Variants in TRPC4 observed in about 807,000 individuals in gnomAD.
TRPC4 encodes short transient receptor potential channel 4.
A neutral mutation model predicts 99.4 loss-of-function variants in TRPC4; 49 were observed. The observed-to-expected ratio is 0.49, with a 90% CI of 0.39 to 0.63. The LOEUF is 0.63. Ranked by LOEUF, TRPC4 falls within the 20% of genes least tolerant of loss-of-function variation. TRPC4 has a pLI of 0.00. For missense variants in TRPC4, 898 were observed against 1,152.9 expected (o/e 0.78, Z 3.20); for synonymous variants, 454 against 425.9 (o/e 1.07, Z -0.81).
At chr13:37,744,289 A>G (rs1001858026) in intron 3 of TRPC4, among the ~76,000 whole-genome samples, 1 of 152,180 alleles carries the variant, frequency 6.6e-6, no homozygotes, top group East Asian at 1.9e-4. Context: ...TTATCTTCCC[A>G]TTTACCACTT....
rs143246058 is a variant in TRPC4, at chr13:37,760,611, T to C, written c.379-14156A>G. 1.0e-3 allele frequency among the ~76,000 whole-genome samples: 159 copies of C among 152,088 alleles called. 1 individual carries two copies. In the East Asian group the frequency reaches 0.028, roughly 27 times the overall value. Reference sequence around the variant, plus strand: ...GATACATCTAACTTTACCCAAGCTTTAGTACAAGTCCATGGCCCACAGGCT... The same window carrying C: ...GATACATCTAACTTTACCCAAGCTTCAGTACAAGTCCATGGCCCACAGGCT... On this transcript the variant is annotated intron_variant, in intron 2 of 10. Transcript: ENST00000379705.
chr13:37,757,319 A>G (rs1956122367), intron 2 of TRPC4, among the ~76,000 whole-genome samples: 1 of 152,056 alleles, frequency 6.6e-6, no homozygotes, highest in South Asian at 2.1e-4. Context: ...TACATATTCC[A>G]TTTAGAAGTC....
intron 8 of TRPC4, among the ~76,000 whole-genome samples, chr13:37,639,744 C>CATATATATATATATATATATATATAT (rs59528300): frequency 3.3e-4 from 49 of 146,808 alleles, no homozygotes; most frequent in African/African-American, 1.2e-3. Context: ...ACTCTCCAAT[C>CATATATATATATATATATATATATAT]ATATATATAT....
chr13:37,653,768 T>C (rs1261136126), intron 7 of TRPC4, among the ~76,000 whole-genome samples: 2 of 152,182 alleles, frequency 1.3e-5, no homozygotes, highest in African/African-American at 2.4e-5. Context: ...GGACATTTAA[T>C]GTTTTAAAAG....
intron 1 of TRPC4, among the ~76,000 whole-genome samples, chr13:37,795,576 C>T (rs963106247): frequency 2.0e-5 from 3 of 152,136 alleles, no homozygotes; most frequent in Admixed American, 6.6e-5. Flanking sequence ...GATATTTTCC[C>T]AATGACTATA....
At chr13:37,709,607 T>G (rs1189058340) in intron 3 of TRPC4, among the ~76,000 whole-genome samples, 1 of 151,968 alleles carries the variant, frequency 6.6e-6, no homozygotes, top group Non-Finnish European at 1.5e-5. Flanking sequence ...ATTTAACCAG[T>G]CCAATCACCA....
At chr13:37,742,232 A>C (rs565540970) in intron 3 of TRPC4, among the ~76,000 whole-genome samples, 2 of 152,306 alleles carry the variant, frequency 1.3e-5, no homozygotes, top group Non-Finnish European at 2.9e-5. Flanking sequence ...GGATGAGATT[A>C]GAGAAGTACC....
chr13:37,803,388 C>G (rs1204424267), intron 1 of TRPC4, among the ~76,000 whole-genome samples: 1 of 152,062 alleles, frequency 6.6e-6, no homozygotes, highest in East Asian at 1.9e-4. Flanking sequence ...TACATGTAAA[C>G]TCACCCACAT....
intron 3 of TRPC4, among the ~76,000 whole-genome samples, chr13:37,722,188 C>T (rs958992993): frequency 6.6e-6 from 1 of 151,924 alleles, no homozygotes; most frequent in Admixed American, 6.6e-5. Context: ...TGATTTAGAC[C>T]CAGGTGAGTT....
chr13:37,799,706 G>A (rs1174211739), intron 1 of TRPC4, among the ~76,000 whole-genome samples: 1 of 152,116 alleles, frequency 6.6e-6, no homozygotes, highest in African/African-American at 2.4e-5. Context: ...AATTTTGGAA[G>A]TTCAGGGGTT....
In TRPC4 at chr13:37,799,083, C is replaced by T. The variant is rs538784043; in HGVS notation, c.-27-15723G>A. ...AGTAGCTGGGACTAAAGGTGCCCAC[C>T]GCCTTGCCCAGCTAATTTTTTTTTG... is the stretch of plus-strand genomic sequence containing the variant. On this transcript the variant is annotated intron_variant, in intron 1 of 10. Transcript: ENST00000379705. 3.9e-4 allele frequency among the ~76,000 whole-genome samples: 60 copies of T among 152,090 alleles called. 1 individual carries two copies. In the South Asian group the frequency reaches 0.012, roughly 29 times the overall value.
intron 3 of TRPC4, among the ~76,000 whole-genome samples, chr13:37,726,898 T>C (rs1410758436): frequency 1.3e-5 from 2 of 152,160 alleles, no homozygotes; most frequent in Non-Finnish European, 2.9e-5. Context: ...GATATAATTA[T>C]TATAAACATT....
At position 37,659,472 on chromosome 13, in the gene TRPC4, C is replaced by T. The variant is rs1205887824; in HGVS notation, c.1688+3944G>A. 2.0e-5 allele frequency among the ~76,000 whole-genome samples: 3 copies of T among 152,100 alleles called. No individual in the cohort carries two copies. The South Asian group carries it at 6.2e-4, about 32-fold the overall frequency. On this transcript the variant is annotated intron_variant, in intron 6 of 10. Transcript: ENST00000379705. ...CTCTTTTCTTTATAAATTACCTAGTCTCAGATATTTCTTCATTGCAACAAA... is the reference window on the plus strand; with the variant it reads ...CTCTTTTCTTTATAAATTACCTAGTTTCAGATATTTCTTCATTGCAACAAA...
intron 1 of TRPC4, among the ~76,000 whole-genome samples, chr13:37,867,311 T>C (rs1341683452): frequency 6.6e-6 from 1 of 152,018 alleles, no homozygotes; most frequent in East Asian, 1.9e-4. Context: ...TTCCAATATA[T>C]GCATCGATCA....
intron 3 of TRPC4, among the ~76,000 whole-genome samples, chr13:37,701,903 A>G (rs1954114236): frequency 6.6e-6 from 1 of 152,184 alleles, no homozygotes. Flanking sequence ...GTTAGTTCCT[A>G]AGGGCTGCCA....
At position 37,833,318 on chromosome 13, in the gene TRPC4, GA is replaced by G. The variant is rs371137306; in HGVS notation, c.-28+36276del. On this transcript the variant is annotated intron_variant, in intron 1 of 10. Coordinates refer to ENST00000379705, the MANE Select transcript of TRPC4 (RefSeq NM_016179.4). ...CTCATGATTTATGAGCTCAGTTATAGAAAAAAAAATTATCTAAAAGAAGTTT... is the reference window on the plus strand; with the variant it reads ...CTCATGATTTATGAGCTCAGTTATAGAAAAAAAATTATCTAAAAGAAGTTT... Among the ~76,000 whole-genome samples, 262 of 151,212 alleles carry G rather than the reference GA, an allele frequency of 1.7e-3. 2 individuals are homozygous for G. The highest frequency in any genetic ancestry group is 4.6e-3 in the South Asian group (22 of 4,778).
At chr13:37,745,520 G>T (rs1203546429) in intron 3 of TRPC4, among the ~76,000 whole-genome samples, 3 of 94,706 alleles carry the variant, frequency 3.2e-5, no homozygotes, top group Non-Finnish European at 5.5e-5. Context: ...ATATATATAC[G>T]TATATATGTA....
intron 3 of TRPC4, among the ~76,000 whole-genome samples, chr13:37,737,631 G>A (rs1409252442): frequency 1.3e-5 from 2 of 151,934 alleles, no homozygotes; most frequent in African/African-American, 4.8e-5. Context: ...ATGCCACCAT[G>A]CCCAGCTAAA....
intron 1 of TRPC4, among the ~76,000 whole-genome samples, chr13:37,784,660 C>A (rs1956927340): frequency 6.6e-6 from 1 of 151,714 alleles, no homozygotes; most frequent in African/African-American, 2.4e-5. Flanking sequence ...TCTTTTCAAC[C>A]CTAATCATTT....
Sources: allele counts gnomAD v4.1 joint callset (sites outside exome capture counted in the v4.1 genomes callset), GRCh38; gene constraint gnomAD v4.1.1; transcripts MANE v1.5; gene names NCBI Gene and HGNC (gene_info 2026-07-23, HGNC 2026-07-21).